Variants in NOVA1 observed in about 807,000 individuals in gnomAD.
NOVA1 encodes the protein NOVA alternative splicing regulator 1.
NOVA1 carries 7 observed loss-of-function variants against 38.0 expected under a neutral mutation model. That is an observed-to-expected ratio of 0.18 (90% CI 0.10 to 0.35). NOVA1 has a LOEUF of 0.35. NOVA1 is among the 10% of genes least tolerant of loss of function. NOVA1 has a pLI of 1.00. For missense variants in NOVA1, 460 were observed against 616.0 expected, an observed-to-expected ratio of 0.75 and a Z score of 2.68; for synonymous variants, 270 against 232.5, an observed-to-expected ratio of 1.16 and a Z score of -1.47.
At chr14:26,536,113 C>T (rs950057412) in intron 2 of NOVA1, among the ~76,000 whole-genome samples, 2 of 151,492 alleles carry the variant, frequency 1.3e-5, no homozygotes, top group South Asian at 2.1e-4. Context: ...AGGCATAGAA[C>T]GACAAAGACT....
chr14:26,497,851 A>C (rs17111293), intron 2 of NOVA1, among the ~76,000 whole-genome samples: 1,553 of 152,316 alleles, frequency 0.01, 25 homozygotes, highest in African/African-American at 0.036. Context: ...ATACTGCTGC[A>C]TATCAAACCC....
chr14:26,574,265 CCA>C (rs1447376499), intron 2 of NOVA1, among the ~76,000 whole-genome samples: 23 of 66,300 alleles, frequency 3.5e-4, no homozygotes, highest in African/African-American at 2.7e-3. Flanking sequence ...ACCTCGTGAT[CCA>C]CCCCCCCCCC....
At chr14:26,546,823 T>G (rs1187404594) in intron 2 of NOVA1, among the ~76,000 whole-genome samples, 1 of 152,070 alleles carries the variant, frequency 6.6e-6, no homozygotes, top group African/African-American at 2.4e-5. Context: ...ATCAAGACCA[T>G]CCTGGCTAAC....
At chr14:26,532,858 T>C (rs1338744335) in intron 2 of NOVA1, among the ~76,000 whole-genome samples, 1 of 152,212 alleles carries the variant, frequency 6.6e-6, no homozygotes, top group Non-Finnish European at 1.5e-5. Flanking sequence ...TTATTTCATT[T>C]TTCCAAGTGA....
intron 2 of NOVA1, among the ~76,000 whole-genome samples, chr14:26,588,904 T>C (rs1893685169): frequency 6.6e-6 from 1 of 151,454 alleles, no homozygotes; most frequent in South Asian, 2.1e-4. Flanking sequence ...GTAAAAATTA[T>C]TTTCTTCTCA....
At chr14:26,498,840 T>C (rs560673351) in intron 2 of NOVA1, among the ~76,000 whole-genome samples, 1 of 152,310 alleles carries the variant, frequency 6.6e-6, no homozygotes, top group Non-Finnish European at 1.5e-5. Flanking sequence ...AGTCTCCTTA[T>C]AAACATTTTA....
intron 2 of NOVA1, among the ~76,000 whole-genome samples, chr14:26,557,982 G>T (rs1195960768): frequency 4.0e-5 from 6 of 149,300 alleles, no homozygotes; most frequent in African/African-American, 1.5e-4. Context: ...AACCTTAAAC[G>T]CATCTTGTTA....
chr14:26,556,797 A>ACT (rs1891509252), intron 2 of NOVA1, among the ~76,000 whole-genome samples: 1 of 152,218 alleles, frequency 6.6e-6, no homozygotes, highest in African/African-American at 2.4e-5. Flanking sequence ...AACAATTAGA[A>ACT]AAGACGGACA....
chr14:26,582,464 T>G (rs1023744000), intron 2 of NOVA1, among the ~76,000 whole-genome samples: 5 of 151,870 alleles, frequency 3.3e-5, no homozygotes, highest in Non-Finnish European at 5.9e-5. Context: ...TGCAGTTTGC[T>G]TTTTAATGGC....
intron 4 of NOVA1, among the ~76,000 whole-genome samples, chr14:26,449,813 T>G (rs1194097683): frequency 1.3e-5 from 2 of 152,086 alleles, no homozygotes; most frequent in African/African-American, 4.8e-5. Context: ...ACTGAAAAAT[T>G]ACTGCAGTGA....
intron 2 of NOVA1, among the ~76,000 whole-genome samples, chr14:26,573,561 G>T (rs1199957331): frequency 6.6e-6 from 1 of 151,816 alleles, no homozygotes; most frequent in Admixed American, 6.6e-5. Flanking sequence ...GATAAAGGGG[G>T]GCATGATAAA....
intron 2 of NOVA1, among the ~76,000 whole-genome samples, chr14:26,591,006 T>C (rs1157760234): frequency 1.3e-5 from 2 of 151,762 alleles, no homozygotes; most frequent in African/African-American, 4.8e-5. Flanking sequence ...AATTCATCTT[T>C]CTAAAAACCC....
At chr14:26,486,696 C>CAAAAAAAAAAAAA (rs59078775) in intron 2 of NOVA1, among the ~76,000 whole-genome samples, 2 of 23,106 alleles carry the variant, frequency 8.7e-5, no homozygotes, top group Non-Finnish European at 1.4e-4. Flanking sequence ...GTGACAGACT[C>CAAAAAAAAAAAAA]AAAAAAAAAA....
At chr14:26,562,192 A>C (rs1891872422) in intron 2 of NOVA1, among the ~76,000 whole-genome samples, 1 of 152,188 alleles carries the variant, frequency 6.6e-6, no homozygotes, top group Non-Finnish European at 1.5e-5. Context: ...CCATATTAAT[A>C]AACTAAAAGT....
At chr14:26,572,440 C>T (rs1892536994) in intron 2 of NOVA1, among the ~76,000 whole-genome samples, 1 of 152,084 alleles carries the variant, frequency 6.6e-6, no homozygotes, top group Non-Finnish European at 1.5e-5. Flanking sequence ...TATTTATCTA[C>T]TCGATTATTC....
intron 3 of NOVA1, chr14:26,479,310 C>G (rs1386328376): frequency 6.6e-6 from 1 of 151,918 alleles, no homozygotes; most frequent in Non-Finnish European, 1.5e-5. Flanking sequence ...TCATTTTCCC[C>G]CTACATCATG....
chr14:26,481,311 G>T (rs1230060934), intron 2 of NOVA1, among the ~76,000 whole-genome samples: 2 of 151,902 alleles, frequency 1.3e-5, no homozygotes, highest in Admixed American at 1.3e-4. Flanking sequence ...AAGGTACTTT[G>T]TAAAATGTTT....
At chr14:26,508,813 A>T (rs1048041048) in intron 2 of NOVA1, among the ~76,000 whole-genome samples, 12 of 151,948 alleles carry the variant, frequency 7.9e-5, no homozygotes, top group East Asian at 1.9e-4. Context: ...ATATGATTTT[A>T]AAAAATCTTT....
intron 2 of NOVA1, among the ~76,000 whole-genome samples, chr14:26,569,140 T>G (rs1287337424): frequency 6.6e-6 from 1 of 151,484 alleles, no homozygotes; most frequent in Non-Finnish European, 1.5e-5. Flanking sequence ...GTGGCAAGAG[T>G]GAGAACCAGC....
Sources: allele counts gnomAD v4.1 joint callset (sites outside exome capture counted in the v4.1 genomes callset), GRCh38; gene constraint gnomAD v4.1.1; transcripts MANE v1.5; gene names NCBI Gene and HGNC (gene_info 2026-07-23, HGNC 2026-07-21).